PCDH9: variants seen among roughly 807,000 people sequenced by gnomAD.
PCDH9 encodes the protein protocadherin-9.
PCDH9 carries 24 observed loss-of-function variants against 70.6 expected under a neutral mutation model. That is an observed-to-expected ratio of 0.34 (90% CI 0.25 to 0.48). The LOEUF is 0.48. Ranked by LOEUF, PCDH9 falls within the 20% of genes least tolerant of loss-of-function variation. The probability of loss-of-function intolerance (pLI) is 0.99; values close to 1 mark genes in which losing one functional copy is unlikely to be tolerated. For synonymous variants in PCDH9, 562 were observed against 558.5 expected, an observed-to-expected ratio of 1.01 and a Z score of -0.09; for missense variants, 1,281 against 1,503.6, an observed-to-expected ratio of 0.85 and a Z score of 2.45.
At chr13:66,721,274 C>T (rs1409065333) in intron 3 of PCDH9, among the ~76,000 whole-genome samples, 1 of 152,166 alleles carries the variant, frequency 6.6e-6, no homozygotes, top group Non-Finnish European at 1.5e-5. Flanking sequence ...AACCAAGTCT[C>T]ACAAGGTGGA....
In PCDH9 at chr13:67,228,146, C is replaced by A; in HGVS notation, c.295G>T (p.Ala99Ser). 6.2e-7 allele frequency: 1 copy of A among 1,614,062 alleles called. No individual in the cohort carries two copies. The highest frequency in any genetic ancestry group is 8.5e-7 in the Non-Finnish European group (1 of 1,179,948). ...SNRIDREKLC[A>S]GASYAEENEC... ...TTCTCCTCAGCATATGAGGCGCCAGCACAGAGTTTTTCTCTGTCTATTCTG... is the reference window on the plus strand; with the variant it reads ...TTCTCCTCAGCATATGAGGCGCCAGAACAGAGTTTTTCTCTGTCTATTCTG... Residue 99 changes from alanine to serine, a missense_variant, in exon 2 of 5, where the codon GCT becomes TCT. This residue lies in a region of PCDH9 where 798 missense variants were observed against 1,003.1 expected (regional missense o/e 0.80). Transcript: ENST00000377865.
chr13:66,655,076 T>C (rs1054436767), intron 3 of PCDH9, among the ~76,000 whole-genome samples: 12 of 152,160 alleles, frequency 7.9e-5, no homozygotes, highest in African/African-American at 2.4e-4. Flanking sequence ...GTGTTGATTG[T>C]CTGAAAGGAG....
At chr13:66,746,285 T>C (rs781546044) in intron 3 of PCDH9, among the ~76,000 whole-genome samples, 14 of 152,212 alleles carry the variant, frequency 9.2e-5, no homozygotes, top group Non-Finnish European at 1.9e-4. Context: ...TAACTGAGAT[T>C]AACTTTAGGA....
At chr13:67,182,371 C>T (rs2088640323) in intron 2 of PCDH9, among the ~76,000 whole-genome samples, 1 of 152,098 alleles carries the variant, frequency 6.6e-6, no homozygotes, top group Non-Finnish European at 1.5e-5. Context: ...TCTAATCTGT[C>T]TACAGGCCAT....
At chr13:66,582,412 C>CA (rs1197970970) in intron 4 of PCDH9, among the ~76,000 whole-genome samples, 1 of 152,040 alleles carries the variant, frequency 6.6e-6, no homozygotes, top group African/African-American at 2.4e-5. Flanking sequence ...GCAGGAGGAC[C>CA]AATTGAGGTC....
At chr13:66,532,167 G>T (rs865890228) in intron 4 of PCDH9, among the ~76,000 whole-genome samples, 35 of 147,056 alleles carry the variant, frequency 2.4e-4, no homozygotes, top group African/African-American at 6.2e-4. Flanking sequence ...TTTTTTAGTG[G>T]TTTTTTTTTT....
At chr13:66,986,814 A>G (rs929414774) in intron 2 of PCDH9, among the ~76,000 whole-genome samples, 6 of 152,020 alleles carry the variant, frequency 3.9e-5, no homozygotes, top group Non-Finnish European at 7.4e-5. Flanking sequence ...AATAATTTTT[A>G]AAGTGTTTAA....
chr13:67,170,018 T>C (rs2088235595), intron 2 of PCDH9, among the ~76,000 whole-genome samples: 1 of 152,190 alleles, frequency 6.6e-6, no homozygotes, highest in Non-Finnish European at 1.5e-5. Context: ...CCTTTTTTTA[T>C]ATTATTTCTT....
intron 4 of PCDH9, among the ~76,000 whole-genome samples, chr13:66,435,732 G>T (rs1468441609): frequency 6.6e-6 from 1 of 152,168 alleles, no homozygotes; most frequent in Non-Finnish European, 1.5e-5. Flanking sequence ...GGTGAACTAT[G>T]AAATGCTTCT....
intron 2 of PCDH9, among the ~76,000 whole-genome samples, chr13:66,928,271 T>C (rs1408242288): frequency 6.6e-6 from 1 of 152,116 alleles, no homozygotes; most frequent in Non-Finnish European, 1.5e-5. Flanking sequence ...GACTGGCTTC[T>C]ATCTTATAAC....
Position 66,495,640 on chromosome 13 carries a change from G to C in PCDH9, c.3340+135570C>G, listed in dbSNP as rs141994098. On this transcript the variant is annotated intron_variant, in intron 4 of 4. Transcript: ENST00000377865. ...GTCTAAAACCTTACTTCTTCAACTA[G>C]AGCATTCTAAAAAGTCAGAATTGTT... Among the ~76,000 whole-genome samples the C allele has an allele frequency of 3.4e-3, 517 of 152,148 alleles. 1 individual carries two copies. The highest frequency in any genetic ancestry group is 0.012 in the African/African-American group (497 of 41,476).
chr13:67,057,181 A>T (rs1267906890), intron 2 of PCDH9, among the ~76,000 whole-genome samples: 3 of 152,158 alleles, frequency 2.0e-5, no homozygotes, highest in Non-Finnish European at 4.4e-5. Flanking sequence ...TAGATTAACA[A>T]AGTTACCCTA....
intron 2 of PCDH9, among the ~76,000 whole-genome samples, chr13:66,943,101 T>TAGTAAAAA: frequency 6.6e-6 from 1 of 152,062 alleles, no homozygotes; most frequent in Non-Finnish European, 1.5e-5. Flanking sequence ...AACATAGTTA[T>TAGTAAAAA]TACAACATAT....
chr13:66,780,867 C>T (rs1328728479), intron 3 of PCDH9, among the ~76,000 whole-genome samples: 3 of 152,144 alleles, frequency 2.0e-5, no homozygotes, highest in South Asian at 2.1e-4. Flanking sequence ...TTTGACTGAG[C>T]GAATTTTTAA....
intron 4 of PCDH9, among the ~76,000 whole-genome samples, chr13:66,488,110 T>C (rs1958975234): frequency 2.0e-5 from 3 of 152,114 alleles, no homozygotes. Flanking sequence ...ACCACTGAGA[T>C]TTTAGGGAAA....
At chr13:66,768,597 G>A (rs1029373862) in intron 3 of PCDH9, among the ~76,000 whole-genome samples, 5 of 151,994 alleles carry the variant, frequency 3.3e-5, no homozygotes, top group Admixed American at 2.0e-4. Flanking sequence ...TAGAAAGTTG[G>A]CTGGAAAGAA....
chr13:66,472,414 T>G (rs2138485738), intron 4 of PCDH9, among the ~76,000 whole-genome samples: 1 of 151,562 alleles, frequency 6.6e-6, no homozygotes, highest in East Asian at 2.0e-4. Flanking sequence ...TACAAAAAAT[T>G]TTAACAAATT....
chr13:66,471,783 A>G (rs1958624112), intron 4 of PCDH9, among the ~76,000 whole-genome samples: 1 of 152,166 alleles, frequency 6.6e-6, no homozygotes, highest in Admixed American at 6.5e-5. Context: ...TTTCCTAACC[A>G]TTGCTCTGCT....
chr13:66,789,951 AT>A (rs1460743466), intron 3 of PCDH9, among the ~76,000 whole-genome samples: 2 of 152,084 alleles, frequency 1.3e-5, no homozygotes, highest in Non-Finnish European at 2.9e-5. Flanking sequence ...AGTTACCAAT[AT>A]TGTTGTCAAC....
Sources: allele counts gnomAD v4.1 joint callset (sites outside exome capture counted in the v4.1 genomes callset), GRCh38; gene constraint gnomAD v4.1.1; regional missense constraint gnomAD v4.1.1; transcripts MANE v1.5; gene names NCBI Gene and HGNC (gene_info 2026-07-23, HGNC 2026-07-21).